CCDC102B: variants seen among roughly 807,000 people sequenced by gnomAD.
CCDC102B encodes the protein coiled-coil domain containing 102B, also known as coiled-coil domain-containing protein 102B.
CCDC102B carries 75 observed loss-of-function variants against 57.4 expected under a neutral mutation model. That is an observed-to-expected ratio of 1.31 (90% CI 1.08 to 1.58). The LOEUF (loss-of-function observed/expected upper bound fraction) is 1.58, where lower values mean the gene tolerates loss of function less well. Among genes scored for constraint, CCDC102B ranks in the 40% most tolerant of loss-of-function variants. The pLI is 0.00. For synonymous variants in CCDC102B, 206 were observed against 201.9 expected, an observed-to-expected ratio of 1.02 and a Z score of -0.17; for missense variants, 636 against 582.6, an observed-to-expected ratio of 1.09 and a Z score of -0.94.
At chr18:68,832,129 G>A (rs540236294) in intron 1 of CCDC102B, among the ~76,000 whole-genome samples, 3 of 151,866 alleles carry the variant, frequency 2.0e-5, no homozygotes, top group Non-Finnish European at 2.9e-5. Context: ...TTCAACAAAG[G>A]TTTCATTTTC....
chr18:68,847,916 A>AT (rs201429724), intron 4 of CCDC102B, among the ~76,000 whole-genome samples: 1 of 151,806 alleles, frequency 6.6e-6, no homozygotes, highest in Middle Eastern at 3.4e-3. Flanking sequence ...TTATATGGAA[A>AT]TTTTTTAAAA....
intron 5 of CCDC102B, 116 bp downstream of exon 5, chr18:68,874,901 T>C: frequency 1.5e-6 from 1 of 652,004 alleles, no homozygotes; most frequent in Non-Finnish European, 2.7e-6. Flanking sequence ...TGAAAGTGAA[T>C]GCTGCTGCTA....
intron 1 of CCDC102B, among the ~76,000 whole-genome samples, chr18:68,827,807 A>G (rs768932881): frequency 2.0e-5 from 3 of 151,990 alleles, no homozygotes; most frequent in Non-Finnish European, 2.9e-5. Flanking sequence ...CAGATCATCA[A>G]TTAAGATTGC....
intron 2 of CCDC102B, among the ~76,000 whole-genome samples, chr18:68,770,871 C>T (rs1379286693): frequency 6.6e-6 from 1 of 152,206 alleles, no homozygotes; most frequent in Non-Finnish European, 1.5e-5. Context: ...CTGAGTTTTA[C>T]AGATTTAGAG....
At chr18:68,760,989 G>T (rs965375280) in intron 2 of CCDC102B, among the ~76,000 whole-genome samples, 4 of 151,992 alleles carry the variant, frequency 2.6e-5, no homozygotes, top group African/African-American at 9.7e-5. Context: ...GCAAAGTAAA[G>T]GCATATTACT....
chr18:68,721,187 C>T (rs2032305584), intron 2 of CCDC102B: 1 of 152,224 alleles, frequency 6.6e-6, no homozygotes, highest in Non-Finnish European at 1.5e-5. Flanking sequence ...TCTACTTAAA[C>T]AGCATTTATT....
At chr18:68,862,559 C>T (rs1816699046) in intron 4 of CCDC102B, among the ~76,000 whole-genome samples, 4 of 152,072 alleles carry the variant, frequency 2.6e-5, no homozygotes, top group Admixed American at 2.6e-4. Flanking sequence ...ACCCCCACAA[C>T]CATATATAGA....
intron 2 of CCDC102B, among the ~76,000 whole-genome samples, chr18:68,749,039 T>G (rs1599404790): frequency 6.6e-6 from 1 of 152,192 alleles, no homozygotes; most frequent in East Asian, 1.9e-4. Flanking sequence ...GGGAATCTTT[T>G]CCCCACTTCT....
chr18:68,749,906 C>T (rs934992041), intron 2 of CCDC102B, among the ~76,000 whole-genome samples: 3 of 152,048 alleles, frequency 2.0e-5, no homozygotes, highest in Admixed American at 2.0e-4. Flanking sequence ...AAAGCGATAG[C>T]AACAAAAGCC....
In CCDC102B at chr18:68,948,912, G is replaced by A. The variant is rs113120417; in HGVS notation, c.1263+51484G>A. Among the ~76,000 whole-genome samples the A allele has an allele frequency of 2.9e-3, 440 of 152,174 alleles. 1 individual carries two copies. Among genetic ancestry groups the A allele is most frequent in the African/African-American group, 0.01 (419 of 41,534 alleles). ...GAATATATATATAGGAGTTTATTAA[G>A]TATTAACTTACACGATCACAAGGTC... On this transcript the variant is annotated intron_variant, in intron 6 of 7. Coordinates refer to ENST00000360242, the MANE Select transcript of CCDC102B (RefSeq NM_024781.3).
chr18:68,891,852 ATAT>A (rs2040090287), intron 5 of CCDC102B, among the ~76,000 whole-genome samples: 1 of 152,212 alleles, frequency 6.6e-6, no homozygotes, highest in East Asian at 1.9e-4. Flanking sequence ...CTATCTCCAA[ATAT>A]TATCACACTG....
At chr18:68,989,839 C>G (rs1042154398) in intron 6 of CCDC102B, among the ~76,000 whole-genome samples, 10 of 152,218 alleles carry the variant, frequency 6.6e-5, no homozygotes, top group South Asian at 2.1e-4. Context: ...ATTTGTTTCT[C>G]TCTTCAGATT....
intron 1 of CCDC102B, chr18:68,798,450 CAGGT>C (rs2035713842): frequency 6.6e-6 from 1 of 152,066 alleles, no homozygotes; most frequent in South Asian, 2.1e-4. Context: ...AAGCAAAACT[CAGGT>C]AAGAATTTCG....
chr18:68,991,833 G>A (rs1478768012), intron 6 of CCDC102B, among the ~76,000 whole-genome samples: 4 of 152,138 alleles, frequency 2.6e-5, no homozygotes, highest in South Asian at 4.1e-4. Context: ...GATGATTAAT[G>A]TATGCTATTA....
At chr18:69,034,766 T>TAC (rs955148528) in intron 7 of CCDC102B, among the ~76,000 whole-genome samples, 6 of 151,210 alleles carry the variant, frequency 4.0e-5, no homozygotes, top group African/African-American at 9.7e-5. Flanking sequence ...TGTATATATA[T>TAC]ACACACACAC....
chr18:68,776,280 T>A (rs1297563125), intron 2 of CCDC102B, among the ~76,000 whole-genome samples: 1 of 152,234 alleles, frequency 6.6e-6, no homozygotes, highest in Admixed American at 6.5e-5. Flanking sequence ...ATATTTAGAA[T>A]TCCTATTTAT....
chr18:68,829,794 G>A (rs1453273020), intron 1 of CCDC102B, among the ~76,000 whole-genome samples: 1 of 151,966 alleles, frequency 6.6e-6, no homozygotes, highest in African/African-American at 2.4e-5. Context: ...AAATGTATAG[G>A]AAAATTGGGG....
At chr18:68,988,177 T>C (rs1045030002) in intron 6 of CCDC102B, among the ~76,000 whole-genome samples, 2 of 151,544 alleles carry the variant, frequency 1.3e-5, no homozygotes, top group African/African-American at 4.9e-5. Context: ...AGAAAAAAAA[T>C]GTGGTACGTA....
chr18:68,856,116 A>G (rs1011810413), intron 4 of CCDC102B, among the ~76,000 whole-genome samples: 10 of 152,196 alleles, frequency 6.6e-5, no homozygotes, highest in Non-Finnish European at 1.5e-5. Flanking sequence ...GTTAAATCAC[A>G]TACTTTAACT....
Sources: allele counts gnomAD v4.1 joint callset (sites outside exome capture counted in the v4.1 genomes callset), GRCh38; gene constraint gnomAD v4.1.1; transcripts MANE v1.5; gene names NCBI Gene and HGNC (gene_info 2026-07-23, HGNC 2026-07-21).